KCNH1: variants seen among roughly 807,000 people sequenced by gnomAD.
The protein encoded by KCNH1 is potassium voltage-gated channel subfamily H member 1.
Under a neutral mutation model 69.2 loss-of-function variants are expected in KCNH1, and 27 were observed. That is an observed-to-expected ratio of 0.39 (90% CI 0.29 to 0.54). The LOEUF (loss-of-function observed/expected upper bound fraction) is 0.54. Among genes scored for constraint, KCNH1 ranks in the 20% least tolerant of loss-of-function variants. The pLI is 0.68. For synonymous variants in KCNH1, 456 were observed against 487.7 expected (o/e 0.93, Z 0.86); for missense variants, 798 against 1,261.6 (o/e 0.63, Z 5.57).
chr1:211,120,481 T>C lies in KCNH1; in HGVS notation c.80-13104A>G, dbSNP rs147262056. Among the ~76,000 whole-genome samples, 1,163 of 152,264 alleles carry C rather than the reference T, an allele frequency of 7.6e-3. 17 individuals are homozygous for C. Among genetic ancestry groups the C allele is most frequent in the African/African-American group, 0.024 (1,012 of 41,554 alleles). On this transcript the variant is annotated intron_variant, in intron 1 of 10. Coordinates refer to ENST00000271751, the MANE Select transcript of KCNH1 (RefSeq NM_172362.3). ...CTGGGATTACAGGTGTTAGCCACCA[T>C]GCCTGGCCTGATTCAATAGATTTTA...
intron 1 of KCNH1, among the ~76,000 whole-genome samples, chr1:211,113,152 G>C (rs1165575832): frequency 6.6e-6 from 1 of 151,824 alleles, no homozygotes; most frequent in Non-Finnish European, 1.5e-5. Flanking sequence ...GAAGTCTCAG[G>C]GATTTCATCA....
chr1:210,846,160 T>G (rs943093852), intron 7 of KCNH1, among the ~76,000 whole-genome samples: 3 of 152,180 alleles, frequency 2.0e-5, no homozygotes, highest in African/African-American at 7.2e-5. Flanking sequence ...CTTCCCAAGG[T>G]AATTTATAGA....
intron 5 of KCNH1, among the ~76,000 whole-genome samples, chr1:211,050,529 C>T (rs761370991): frequency 6.6e-6 from 1 of 152,162 alleles, no homozygotes; most frequent in Non-Finnish European, 1.5e-5. Flanking sequence ...ACACTACAGT[C>T]CAGGACCAAC....
At chr1:210,812,253 C>G (rs976591745) in intron 7 of KCNH1, among the ~76,000 whole-genome samples, 4 of 152,144 alleles carry the variant, frequency 2.6e-5, no homozygotes, top group African/African-American at 9.6e-5. Context: ...AAGTGACTTA[C>G]CTATTAAGAG....
chr1:211,034,470 G>A (rs1224516263), intron 5 of KCNH1, among the ~76,000 whole-genome samples: 1 of 151,986 alleles, frequency 6.6e-6, no homozygotes, highest in South Asian at 2.1e-4. Context: ...GCAACATGAG[G>A]TATTCTTATG....
chr1:210,753,909 A>AT (rs397982788), intron 10 of KCNH1, among the ~76,000 whole-genome samples: 25,119 of 140,882 alleles, frequency 0.18, 2,811 homozygotes, highest in Non-Finnish European at 0.26. Context: ...TATCAGACTA[A>AT]TTTTTTTTTT....
At chr1:210,690,231 A>G (rs1681500264) in intron 10 of KCNH1, among the ~76,000 whole-genome samples, 1 of 150,708 alleles carries the variant, frequency 6.6e-6, no homozygotes, top group African/African-American at 2.4e-5. Flanking sequence ...TGGGGTACAC[A>G]AAGCCGTCTA....
Position 210,793,359 on chromosome 1 carries a change from A to G in KCNH1, c.1915+4149T>C, listed in dbSNP as rs116136349. Among the ~76,000 whole-genome samples the G allele has an allele frequency of 4.0e-3, 616 of 152,364 alleles. 4 individuals are homozygous for G. Among genetic ancestry groups the G allele is most frequent in the African/African-American group, 0.014 (579 of 41,584 alleles). On this transcript the variant is annotated intron_variant, in intron 9 of 10. Transcript: ENST00000271751. Reference sequence around the variant, plus strand: ...TTAATGAAAGAGAACATTATCTAATAGAAAATACCAGGTTGCAACTCACAT... The same window carrying G: ...TTAATGAAAGAGAACATTATCTAATGGAAAATACCAGGTTGCAACTCACAT...
At chr1:210,881,553 G>A (rs1193566279) in intron 7 of KCNH1, among the ~76,000 whole-genome samples, 2 of 152,114 alleles carry the variant, frequency 1.3e-5, no homozygotes. Context: ...AAATGTATTG[G>A]AAACTTATGC....
At chr1:210,706,724 A>G (rs960749660) in intron 10 of KCNH1, among the ~76,000 whole-genome samples, 8 of 152,254 alleles carry the variant, frequency 5.3e-5, no homozygotes, top group African/African-American at 1.9e-4. Context: ...AAGGCAATAA[A>G]AACACTTACT....
chr1:210,978,206 T>C (rs907066860), intron 6 of KCNH1, among the ~76,000 whole-genome samples: 1 of 151,924 alleles, frequency 6.6e-6, no homozygotes, highest in African/African-American at 2.4e-5. Flanking sequence ...ACCTGGCTAA[T>C]TTTTTGTATT....
chr1:210,804,657 A>G (rs1399576179), intron 7 of KCNH1, among the ~76,000 whole-genome samples: 1 of 152,226 alleles, frequency 6.6e-6, no homozygotes, highest in Admixed American at 6.5e-5. Flanking sequence ...TGCCAAGGAC[A>G]GGATGGTGAA....
At chr1:210,813,917 T>C (rs1684760755) in intron 7 of KCNH1, among the ~76,000 whole-genome samples, 1 of 152,122 alleles carries the variant, frequency 6.6e-6, no homozygotes, top group Non-Finnish European at 1.5e-5. Flanking sequence ...AAATGGGAGT[T>C]TCCCCACACA....
At chr1:211,089,336 A>G (rs1211648438) in intron 4 of KCNH1, among the ~76,000 whole-genome samples, 1 of 152,202 alleles carries the variant, frequency 6.6e-6, no homozygotes, top group Non-Finnish European at 1.5e-5. Flanking sequence ...TGAATCTGTA[A>G]GAAAAGGGAG....
chr1:211,073,649 T>C (rs1571625437), intron 5 of KCNH1, among the ~76,000 whole-genome samples: 1 of 151,942 alleles, frequency 6.6e-6, no homozygotes, highest in African/African-American at 2.4e-5. Context: ...CAAGAGAAAA[T>C]AAAATATATT....
At chr1:210,877,585 C>G (rs1447527044) in intron 7 of KCNH1, among the ~76,000 whole-genome samples, 1 of 152,150 alleles carries the variant, frequency 6.6e-6, no homozygotes, top group Non-Finnish European at 1.5e-5. Flanking sequence ...AAATCTGCTC[C>G]CATTTTCACT....
At chr1:210,738,742 A>G (rs1284889166) in intron 10 of KCNH1, among the ~76,000 whole-genome samples, 1 of 150,626 alleles carries the variant, frequency 6.6e-6, no homozygotes, top group Non-Finnish European at 1.5e-5. Flanking sequence ...TAATTTTTGT[A>G]TTTTTTTGTA....
chr1:210,872,913 A>T (rs901952292), intron 7 of KCNH1, among the ~76,000 whole-genome samples: 1 of 152,152 alleles, frequency 6.6e-6, no homozygotes, highest in African/African-American at 2.4e-5. Flanking sequence ...TACCCAATTT[A>T]TTCTTAATTC....
chr1:210,718,601 T>C (rs1682359639), intron 10 of KCNH1, among the ~76,000 whole-genome samples: 1 of 129,624 alleles, frequency 7.7e-6, no homozygotes, highest in Non-Finnish European at 1.6e-5. Flanking sequence ...AAGTCTTATA[T>C]AAATAAAATT....
Sources: allele counts gnomAD v4.1 joint callset (sites outside exome capture counted in the v4.1 genomes callset), GRCh38; gene constraint gnomAD v4.1.1; transcripts MANE v1.5; gene names NCBI Gene and HGNC (gene_info 2026-07-23, HGNC 2026-07-21).